Variants in SESN3 observed in about 807,000 individuals in gnomAD.
The protein encoded by SESN3 is sestrin 3.
In SESN3, 21 loss-of-function variants were observed where a neutral mutation model predicts 55.3. That is an observed-to-expected ratio of 0.38 (90% CI 0.27 to 0.55). The LOEUF is 0.55. Among genes scored for constraint, SESN3 ranks in the 20% least tolerant of loss-of-function variants. The probability of loss-of-function intolerance (pLI) is 0.76; values close to 1 mark genes in which losing one functional copy is unlikely to be tolerated. For synonymous variants in SESN3, 181 were observed against 203.1 expected (o/e 0.89, Z 0.93); for missense variants, 408 against 604.3 (o/e 0.68, Z 3.41).
In SESN3 at chr11:95,231,193, G is replaced by T. The variant is rs1861060220; in HGVS notation, c.-333C>A. 6.1e-6 allele frequency: 2 copies of T among 328,644 alleles called. No homozygotes were observed. The highest frequency in any genetic ancestry group is 5.5e-6 in the Non-Finnish European group (1 of 182,370). The allele number at this position is 328,644 out of a possible 1,614,324, so 20.4% of individuals were successfully genotyped here. ...CCACCGCCACCACCGCCGCCGCAGC[G>T]CCTCAGTGCGGCCCCGCCTCCGCCG... is the stretch of plus-strand genomic sequence containing the variant. On this transcript the variant is annotated 5_prime_UTR_variant, in exon 1 of 10. Coordinates refer to ENST00000536441, the MANE Select transcript of SESN3 (RefSeq NM_144665.4).
Position 95,193,491 on chromosome 11 carries a change from G to A in SESN3, c.110C>T (p.Thr37Ile). The A allele has an allele frequency of 1.9e-6, 3 of 1,595,964 alleles. No homozygotes were observed. The highest frequency in any genetic ancestry group is 2.6e-6 in the Non-Finnish European group (3 of 1,164,650). ...TGGAATAAAGGCACTTGGTCCTCTT[G>A]TCAAGGGTTGAGACACTCTGATTCT... ...DKRIRVSQPL[T>I]RGPSAFIPEK... is the part of the protein sequence containing the mutation. Residue 37 changes from threonine to isoleucine, a missense_variant, in exon 2 of 10, where the codon ACA (threonine) becomes ATA (isoleucine). Coordinates refer to ENST00000536441, the MANE Select transcript of SESN3 (RefSeq NM_144665.4).
At chr11:95,218,690 G>T (rs1293249919) in intron 1 of SESN3, among the ~76,000 whole-genome samples, 2 of 125,994 alleles carry the variant, frequency 1.6e-5, no homozygotes, top group Admixed American at 1.0e-4. Context: ...TCGCTCTGTC[G>T]CCCAGGCTGG....
At chr11:95,209,804 G>T (rs1166704855) in intron 1 of SESN3, among the ~76,000 whole-genome samples, 2 of 150,598 alleles carry the variant, frequency 1.3e-5, no homozygotes, top group Non-Finnish European at 3.0e-5. Flanking sequence ...ATCTCCTGAG[G>T]TTAGAAGTTT....
At chr11:95,224,053 A>G (rs1860906770) in intron 1 of SESN3, among the ~76,000 whole-genome samples, 1 of 152,174 alleles carries the variant, frequency 6.6e-6, no homozygotes, top group African/African-American at 2.4e-5. Flanking sequence ...ACATTTTGCA[A>G]ATCTCTTTAA....
At chr11:95,181,625 C>T (rs1364189830) in intron 6 of SESN3, among the ~76,000 whole-genome samples, 1 of 151,946 alleles carries the variant, frequency 6.6e-6, no homozygotes, top group East Asian at 1.9e-4. Flanking sequence ...ACTGAAAATA[C>T]AAAAAACAGT....
intron 1 of SESN3, among the ~76,000 whole-genome samples, chr11:95,216,095 C>T (rs1254775014): frequency 8.6e-6 from 1 of 116,424 alleles, no homozygotes; most frequent in African/African-American, 3.2e-5. Flanking sequence ...GAGACTCCAT[C>T]TCAAAAAAAA....
chr11:95,210,038 AAAAG>A (rs1860624079), intron 1 of SESN3, among the ~76,000 whole-genome samples: 1 of 151,368 alleles, frequency 6.6e-6, no homozygotes, highest in Non-Finnish European at 1.5e-5. Flanking sequence ...AAAAAAAAAA[AAAAG>A]AAGGATGAGT....
Position 95,218,661 on chromosome 11 carries a change from T to G in SESN3, c.78+12122A>C, listed in dbSNP as rs1169476319. Among the ~76,000 whole-genome samples the G allele has an allele frequency of 2.7e-5, 4 of 149,868 alleles. No individual in the cohort carries two copies. In the East Asian group the frequency reaches 7.8e-4, roughly 29 times the overall value. ...AGATTTACCCTCTTTTTTTTTTTTT[T>G]TTTTTTTGAGACAGCATCTCGCTCT... On this transcript the variant is annotated intron_variant, in intron 1 of 9. Coordinates refer to ENST00000536441, the MANE Select transcript of SESN3 (RefSeq NM_144665.4).
Position 95,184,595 on chromosome 11 carries a change from C to A in SESN3, c.763-1G>T. On this transcript the variant is annotated splice_acceptor_variant, in intron 5 of 9. Transcript: ENST00000536441. LOFTEE classifies it high-confidence loss of function. Reference sequence around the variant, plus strand: ...CTAGCTCACTTAGAGAATCCACAATCTGGAAACAGATAAGATAATGTTGGG... The same window carrying A: ...CTAGCTCACTTAGAGAATCCACAATATGGAAACAGATAAGATAATGTTGGG... 6.2e-7 allele frequency: 1 copy of A among 1,611,128 alleles called. No individual in the cohort carries two copies. The highest frequency in any genetic ancestry group is 1.3e-5 in the African/African-American group (1 of 74,770).
At chr11:95,217,273 C>T (rs907432639) in intron 1 of SESN3, among the ~76,000 whole-genome samples, 1 of 152,072 alleles carries the variant, frequency 6.6e-6, no homozygotes, top group Non-Finnish European at 1.5e-5. Flanking sequence ...TTAATTCTCC[C>T]ATATGTAATC....
intron 1 of SESN3, among the ~76,000 whole-genome samples, chr11:95,217,803 T>C (rs938850903): frequency 2.0e-5 from 3 of 152,220 alleles, no homozygotes; most frequent in Admixed American, 6.5e-5. Context: ...CATATACTGA[T>C]GCTTTCACAA....
chr11:95,191,389 A>G lies in SESN3; in HGVS notation c.342+15T>C. 6.3e-7 allele frequency: 1 copy of G among 1,593,974 alleles called. No homozygotes were observed. ...GAGGAAGGTGTTATGTGAACATAGGAAAATAAGCACCCACCATTATTGCAA... is the reference window on the plus strand; with the variant it reads ...GAGGAAGGTGTTATGTGAACATAGGGAAATAAGCACCCACCATTATTGCAA... On this transcript the variant is annotated intron_variant, in intron 3 of 9. Coordinates refer to ENST00000536441, the MANE Select transcript of SESN3 (RefSeq NM_144665.4).
At chr11:95,212,489 A>G (rs1860675258) in intron 1 of SESN3, among the ~76,000 whole-genome samples, 1 of 152,140 alleles carries the variant, frequency 6.6e-6, no homozygotes, top group Non-Finnish European at 1.5e-5. Flanking sequence ...AGTTCCTAAT[A>G]GATAATATCT....
rs776190230 is a variant in SESN3 at position 95,230,837 on chromosome 11, C to T, written c.24G>A (p.Pro8=). The part of the protein sequence containing the change: MNRGGGS[P]SAAANYLLCT... ...AGAGCAGGTAGTTGGCGGCGGCCGA[C>T]GGGCTGCCGCCGCCCCGGTTCATCG... Residue 8 remains proline (P), a synonymous_variant, in exon 1 of 10, where the codon CCG becomes CCA. Transcript: ENST00000536441. This position sits in a 1 kb window ranked among gnomAD's most constrained non-coding sequence, Gnocchi z 4.6. 10 of 1,557,336 alleles carry T rather than the reference C, an allele frequency of 6.4e-6. No homozygotes were observed. Among genetic ancestry groups the T allele is most frequent in the Non-Finnish European group, 8.7e-6 (10 of 1,152,526 alleles).
In SESN3 at chr11:95,167,624, T is replaced by C. The variant is rs1859775342; in HGVS notation, c.*5631A>G. 6.6e-6 allele frequency: 1 copy of C among 152,160 alleles called. No individual in the cohort carries two copies. The highest frequency in any genetic ancestry group is 6.5e-5 in the Admixed American group (1 of 15,276). 9.4% of individuals were successfully genotyped at this position (152,160 alleles called of 1,614,324 possible). ...CTCATTTCTTAACTAGGATGTCAAT[T>C]CATTCCTGAGCCCTGAAAGGCATTT... On this transcript the variant is annotated 3_prime_UTR_variant, in exon 10 of 10. Coordinates refer to ENST00000536441, the MANE Select transcript of SESN3 (RefSeq NM_144665.4).
chr11:95,217,364 TTAAC>T (rs1860778990), intron 1 of SESN3, among the ~76,000 whole-genome samples: 1 of 152,030 alleles, frequency 6.6e-6, no homozygotes, highest in Admixed American at 6.6e-5. Context: ...ATTAAACTAC[TTAAC>T]TGTCAGCCAC....
At chr11:95,222,152 A>T (rs1178309064) in intron 1 of SESN3, among the ~76,000 whole-genome samples, 1 of 152,190 alleles carries the variant, frequency 6.6e-6, no homozygotes, top group Non-Finnish European at 1.5e-5. Flanking sequence ...CAAGAAGTGG[A>T]GCATGTGTCC....
chr11:95,222,365 C>T (rs1860873769), intron 1 of SESN3, among the ~76,000 whole-genome samples: 1 of 152,130 alleles, frequency 6.6e-6, no homozygotes, highest in South Asian at 2.1e-4. Context: ...AGTCCAGGCA[C>T]AAATGCATTA....
At chr11:95,211,819 T>C (rs2094598325) in intron 1 of SESN3, among the ~76,000 whole-genome samples, 3 of 152,302 alleles carry the variant, frequency 2.0e-5, no homozygotes, top group South Asian at 4.1e-4. Context: ...ACTGAGTTCC[T>C]TAGTATAACA....
Sources: gnomAD v4.1 joint callset for allele counts (sites outside exome capture counted in the v4.1 genomes callset) on GRCh38, gnomAD v4.1.1 for gene constraint, Gnocchi (gnomAD v3.1) non-coding constraint, MANE v1.5 for transcripts, NCBI Gene and HGNC (gene_info 2026-07-23, HGNC 2026-07-21) for gene names.